The following PCDHGB2 variants were observed in gnomAD, a reference collection of about 807,000 sequenced individuals.
PCDHGB2 encodes the protein protocadherin gamma-B2.
Under a neutral mutation model 59.3 loss-of-function variants are expected in PCDHGB2, and 55 were observed. The ratio of observed to expected loss-of-function variants is 0.93; its 90% CI spans 0.75 to 1.16. The LOEUF (loss-of-function observed/expected upper bound fraction) is 1.16. Ranked by LOEUF, PCDHGB2 falls within the 50% of genes most tolerant of loss-of-function variation. The pLI is 0.00. For synonymous variants in PCDHGB2, 516 were observed against 512.0 expected (o/e 1.01, Z -0.11); for missense variants, 1,228 against 1,198.5 (o/e 1.02, Z -0.36).
chr5:141,380,978 A>C (rs1244318995), intron 1 of PCDHGB2, among the ~76,000 whole-genome samples: 1 of 152,254 alleles, frequency 6.6e-6, no homozygotes, highest in Non-Finnish European at 1.5e-5. Context: ...AAACAAATAG[A>C]ATTTAACTCC....
chr5:141,408,082 G>A, intron 1 of PCDHGB2: 1 of 1,417,366 alleles, frequency 7.1e-7, no homozygotes, highest in Non-Finnish European at 9.3e-7. Context: ...TCCCAGCACA[G>A]CGGATTGCCA....
In PCDHGB2 at chr5:141,440,050, G is replaced by C. The variant is rs747798063; in HGVS notation, c.2422-54757G>C. On this transcript the variant is annotated intron_variant, in intron 1 of 3. Coordinates refer to ENST00000522605, the MANE Select transcript of PCDHGB2 (RefSeq NM_018923.3). ...GTGTCGAGGACATGCCCACTTGAAA[G>C]CTTCGGGTTAATGCTGAGGAATAAT... 6 of 152,826 alleles carry C rather than the reference G, an allele frequency of 3.9e-5. No homozygotes were observed. The East Asian group carries it at 1.2e-3, about 29-fold the overall frequency. 9.5% of individuals were successfully genotyped at this position (152,826 alleles called of 1,614,324 possible). A position where few individuals can be genotyped will look rare whatever the true frequency, so the allele number is the denominator to read the frequency against.
At chr5:141,381,294 A>C (rs1777116349) in intron 1 of PCDHGB2, among the ~76,000 whole-genome samples, 1 of 152,236 alleles carries the variant, frequency 6.6e-6, no homozygotes, top group African/African-American at 2.4e-5. Flanking sequence ...TTTATTCCAG[A>C]GCAGGTCATT....
rs1283628345 is a variant in PCDHGB2 at position 141,360,429 on chromosome 5, G to A, written c.294G>A (p.Lys98=). 1.2e-6 allele frequency: 2 copies of A among 1,614,004 alleles called. No homozygotes were observed. The highest frequency in any genetic ancestry group is 8.5e-7 in the Non-Finnish European group (1 of 1,179,892). The change falls in exon 1 of 4, where the codon AAG becomes AAA. Residue 98 remains lysine, a synonymous_variant. Transcript: ENST00000522605. ...TAGACCGAGAACAGATATGCGGGAA[G>A]CAGCCTCTGTGTGTTCTGGATTTCG... ...DRIDREQICG[K]QPLCVLDFDT...
At chr5:141,458,630 C>T (rs575289408) in intron 1 of PCDHGB2, among the ~76,000 whole-genome samples, 1 of 151,864 alleles carries the variant, frequency 6.6e-6, no homozygotes, top group Admixed American at 6.6e-5. Flanking sequence ...AGTGCAGTGG[C>T]ACAATCCCAG....
At position 141,421,347 on chromosome 5, in the gene PCDHGB2, C is replaced by T. The variant is rs147068995; in HGVS notation, c.2421+58791C>T. 359 of 1,613,948 alleles carry T rather than the reference C, an allele frequency of 2.2e-4. 2 individuals carry two copies. In the East Asian group the frequency reaches 6.5e-3, roughly 29 times the overall value. On this transcript the variant is annotated intron_variant, in intron 1 of 3. Coordinates refer to ENST00000522605, the MANE Select transcript of PCDHGB2 (RefSeq NM_018923.3). ...TCCGATATTCGGTGCCAGAAGAGAC[C>T]GAAAAGGGCTCCTTCGTGGGCAATA...
intron 1 of PCDHGB2, chr5:141,383,374 G>T: frequency 6.2e-7 from 1 of 1,614,028 alleles, no homozygotes. Context: ...CGAGGCTGGG[G>T]ATCCAGATGT....
intron 1 of PCDHGB2, chr5:141,412,659 C>T (rs1013218327): frequency 7.9e-5 from 12 of 152,212 alleles, no homozygotes; most frequent in African/African-American, 2.4e-4. Flanking sequence ...TACCTAGACA[C>T]TAATATGACC....
intron 2 of PCDHGB2, among the ~76,000 whole-genome samples, chr5:141,502,564 C>T (rs2099815067): frequency 1.3e-5 from 2 of 151,774 alleles, no homozygotes; most frequent in East Asian, 1.9e-4. Context: ...CCAGATCTCT[C>T]CATTATAAAA....
intron 1 of PCDHGB2, chr5:141,395,193 T>C (rs748986857): frequency 1.2e-6 from 2 of 1,614,024 alleles, no homozygotes; most frequent in South Asian, 1.1e-5. Flanking sequence ...TTTGTTAACA[T>C]CCGTAGATTT....
chr5:141,370,575 T>C (rs764870172), intron 1 of PCDHGB2: 17 of 1,613,766 alleles, frequency 1.1e-5, no homozygotes, highest in Admixed American at 1.7e-5. Context: ...CGTGGGGGAT[T>C]TACCTACTAG....
intron 1 of PCDHGB2, among the ~76,000 whole-genome samples, chr5:141,368,127 A>T (rs1013357793): frequency 1.3e-5 from 2 of 152,200 alleles, no homozygotes; most frequent in Non-Finnish European, 2.9e-5. Context: ...AATATTCTTA[A>T]TCCTTCAAAT....
rs1231591874 is a variant in PCDHGB2 at position 141,431,615 on chromosome 5, G to T, written c.2422-63192G>T. The T allele has an allele frequency of 3.1e-6, 5 of 1,614,118 alleles. No homozygotes were observed. Among genetic ancestry groups the T allele is most frequent in the African/African-American group, 2.7e-5 (2 of 74,950 alleles). On this transcript the variant is annotated intron_variant, in intron 1 of 3. Transcript: ENST00000522605. The surrounding 1 kb of genome is among the most constrained non-coding windows in gnomAD (Gnocchi z 4.8). Reference sequence around the variant, plus strand: ...GAGGTATTCCTTCCGGTATGTGGACGACAAGGCGGCCCAAGTTTTCAAACT... The same window carrying T: ...GAGGTATTCCTTCCGGTATGTGGACTACAAGGCGGCCCAAGTTTTCAAACT...
At position 141,432,204 on chromosome 5, in the gene PCDHGB2, A is replaced by G. The variant is rs1204867610; in HGVS notation, c.2422-62603A>G. On this transcript the variant is annotated intron_variant, in intron 1 of 3. Coordinates refer to ENST00000522605, the MANE Select transcript of PCDHGB2 (RefSeq NM_018923.3). This position sits in a 1 kb window ranked among gnomAD's most constrained non-coding sequence, Gnocchi z 6.0. ...GTGACCGCCCACGACCCCGACTGTG[A>G]AGAGAACGCCCAGATCACTTATTCC... 1.9e-6 allele frequency: 3 copies of G among 1,614,070 alleles called. No homozygotes were observed. Among genetic ancestry groups the G allele is most frequent in the African/African-American group, 2.7e-5 (2 of 74,928 alleles).
At chr5:141,366,743 C>T (rs561614642) in intron 1 of PCDHGB2, 3 of 1,611,598 alleles carry the variant, frequency 1.9e-6, no homozygotes, top group East Asian at 2.2e-5. Context: ...AGAAGAACGG[C>T]GAGTTCAGGT....
At chr5:141,390,919 A>C (rs1254063856) in intron 1 of PCDHGB2, 1 of 152,550 alleles carries the variant, frequency 6.6e-6, no homozygotes, top group Non-Finnish European at 1.5e-5. Flanking sequence ...AAAAAGGTCT[A>C]CTATGCTCAT....
chr5:141,376,919 C>T (rs1232247479), intron 1 of PCDHGB2: 1 of 173,284 alleles, frequency 5.8e-6, no homozygotes, highest in Non-Finnish European at 1.2e-5. Context: ...GATCTCCTGA[C>T]CTCATGATCC....
At chr5:141,410,178 C>G in intron 1 of PCDHGB2, 2 of 1,613,890 alleles carry the variant, frequency 1.2e-6, no homozygotes, top group South Asian at 1.1e-5. Flanking sequence ...GCCACCGCCA[C>G]GCTTCATCTG....
At chr5:141,469,012 C>T (rs1196140759) in intron 1 of PCDHGB2, among the ~76,000 whole-genome samples, 1 of 151,852 alleles carries the variant, frequency 6.6e-6, no homozygotes, top group Non-Finnish European at 1.5e-5. Flanking sequence ...TGCGGTGGGT[C>T]ACTCCTGTAA....
Sources: allele counts gnomAD v4.1 joint callset (sites outside exome capture counted in the v4.1 genomes callset), GRCh38; gene constraint gnomAD v4.1.1; non-coding constraint Gnocchi (gnomAD v3.1); transcripts MANE v1.5; gene names NCBI Gene and HGNC (gene_info 2026-07-23, HGNC 2026-07-21).